The following ANKRD30B variants were observed in gnomAD, a reference collection of about 807,000 sequenced individuals.
The protein encoded by ANKRD30B is ankyrin repeat domain-containing protein 30B.
In ANKRD30B, 144 loss-of-function variants were observed where a neutral mutation model predicts 202.2. That is an observed-to-expected ratio of 0.71 (90% CI 0.62 to 0.82). ANKRD30B has a LOEUF of 0.82. Ranked by LOEUF, ANKRD30B falls within the 40% of genes least tolerant of loss-of-function variation. The pLI, the probability that ANKRD30B is intolerant of heterozygous loss-of-function variation, is 0.00. For missense variants in ANKRD30B, 1,487 were observed against 1,669.1 expected (o/e 0.89, Z 1.90); for synonymous variants, 508 against 561.3 (o/e 0.91, Z 1.34).
At chr18:14,888,243 A>G in the ANKRD30B span, among the ~76,000 whole-genome samples, 1 of 152,010 alleles carries the variant, frequency 6.6e-6, no homozygotes. Context: ...TCATTTTCCA[A>G]AGTTAGTGTG....
intron 15 of ANKRD30B, among the ~76,000 whole-genome samples, chr18:14,788,115 C>T (rs148388536): frequency 7.4e-4 from 112 of 152,264 alleles, no homozygotes; most frequent in Middle Eastern, 3.4e-3. Context: ...TCATTTTTAA[C>T]GCTAAACAGT....
At chr18:14,927,546 C>A in the ANKRD30B span, among the ~76,000 whole-genome samples, 1 of 152,224 alleles carries the variant, frequency 6.6e-6, no homozygotes, top group African/African-American at 2.4e-5. Context: ...GGCCAAAGCA[C>A]TTTGTGATTC....
intron 22 of ANKRD30B, among the ~76,000 whole-genome samples, chr18:14,799,611 G>T (rs1267884678): frequency 1.3e-5 from 2 of 152,102 alleles, no homozygotes; most frequent in East Asian, 3.8e-4. Context: ...AATATTTTCA[G>T]TGTTTCAAAT....
At chr18:14,792,131 G>C (rs555514517) in intron 16 of ANKRD30B, among the ~76,000 whole-genome samples, 1 of 152,252 alleles carries the variant, frequency 6.6e-6, no homozygotes, top group South Asian at 2.1e-4. Context: ...TTAGAAAACC[G>C]TCTGAAAACC....
At chr18:14,860,378 C>G in the ANKRD30B span, among the ~76,000 whole-genome samples, 14 of 119,182 alleles carry the variant, frequency 1.2e-4, no homozygotes, top group Middle Eastern at 4.6e-3. Context: ...TCCTCACTTC[C>G]CAGAGGGGGT....
intron 15 of ANKRD30B, 67 bp from the exon 16 acceptor site, chr18:14,791,334 A>T (rs1012233704): frequency 1.5e-6 from 2 of 1,360,886 alleles, no homozygotes; most frequent in African/African-American, 1.5e-5. Context: ...TCTAGTTAGA[A>T]AATTTTGATA....
At chr18:14,893,289 C>A in the ANKRD30B span, among the ~76,000 whole-genome samples, 2 of 152,250 alleles carry the variant, frequency 1.3e-5, no homozygotes, top group Non-Finnish European at 2.9e-5. Context: ...AGTGATGTTC[C>A]TTTCAATAGG....
chr18:14,832,618 C>G (rs71350507), intron 34 of ANKRD30B, among the ~76,000 whole-genome samples: 1 of 151,966 alleles, frequency 6.6e-6, no homozygotes, highest in Admixed American at 6.6e-5. Context: ...GCATTTTAAG[C>G]GGTTTTCAAT....
chr18:14,851,471 A>G, intron 41 of ANKRD30B, 38 bp from the exon 42 acceptor site: 1 of 1,466,976 alleles, frequency 6.8e-7, no homozygotes, highest in Admixed American at 2.8e-5. Context: ...ATGCCATTTT[A>G]TTGAGTGCTA....
At chr18:14,782,292 A>G (rs567834415) in intron 11 of ANKRD30B, among the ~76,000 whole-genome samples, 1 of 152,266 alleles carries the variant, frequency 6.6e-6, no homozygotes, top group African/African-American at 2.4e-5. Flanking sequence ...AATATTATTT[A>G]TTTTTCATGC....
chr18:14,748,277 G>A lies in ANKRD30B; in HGVS notation c.-143G>A. ...GATACAGAAATTTCTGCTGGTGTTG[G>A]GGCGGGTGCGGGAACTGAAGACGGG... On this transcript the variant is annotated 5_prime_UTR_variant, in exon 1 of 44. Transcript: ENST00000690538. The A allele has an allele frequency of 1.6e-6, 1 of 609,668 alleles. No individual in the cohort carries two copies. Among genetic ancestry groups the A allele is most frequent in the Non-Finnish European group, 2.8e-6 (1 of 362,248 alleles). 37.8% of individuals were successfully genotyped at this position (609,668 alleles called of 1,614,324 possible).
the ANKRD30B span, among the ~76,000 whole-genome samples, chr18:14,898,442 T>G: frequency 6.6e-6 from 1 of 152,098 alleles, no homozygotes; most frequent in African/African-American, 2.4e-5. Flanking sequence ...ACAGCTAATC[T>G]GACAGGAGGT....
At chr18:14,934,908 C>CCACACACACACACACACA in the ANKRD30B span, among the ~76,000 whole-genome samples, 5 of 134,602 alleles carry the variant, frequency 3.7e-5, no homozygotes, top group African/African-American at 8.9e-5. Context: ...CCTCCCTCTA[C>CCACACACACACACACACA]CACACACACA....
rs45604236 is a variant in ANKRD30B, at chr18:14,808,810, C to A, written c.2386+66C>A. On this transcript the variant is annotated intron_variant, in intron 26 of 43. Transcript: ENST00000690538. The stretch of plus-strand genomic sequence containing the variant: ...ATTAAACTATTTGAAATGCCAAGAG[C>A]CTTTTATTCCCAATGTTGTTTTCTT... 4,119 of 1,344,684 alleles carry A rather than the reference C, an allele frequency of 3.1e-3. 110 individuals are homozygous for A. Among genetic ancestry groups the A allele is most frequent in the Non-Finnish European group, 3.3e-3 (3,317 of 999,600 alleles). The allele number at this position is 1,344,684 out of a possible 1,614,324, so 83.3% of individuals were successfully genotyped here. A position where few individuals can be genotyped will look rare whatever the true frequency, so the allele number is the denominator to read the frequency against.
chr18:14,919,395 C>G, the ANKRD30B span, among the ~76,000 whole-genome samples: 1 of 152,172 alleles, frequency 6.6e-6, no homozygotes, highest in Non-Finnish European at 1.5e-5. Context: ...TACCTTGGGG[C>G]CCTGCAGCTC....
At chr18:14,860,631 T>G in the ANKRD30B span, among the ~76,000 whole-genome samples, 3 of 151,144 alleles carry the variant, frequency 2.0e-5, no homozygotes, top group Admixed American at 6.6e-5. Flanking sequence ...AACTGACTTA[T>G]CAGCAGAAAC....
At chr18:14,830,188 G>A in intron 33 of ANKRD30B, 1 of 154,512 alleles carries the variant, frequency 6.5e-6, no homozygotes, top group East Asian at 1.9e-4. Flanking sequence ...ATCTGGAAGT[G>A]GGAGACACTT....
chr18:14,798,226 G>A (rs962362011), intron 20 of ANKRD30B, among the ~76,000 whole-genome samples: 37 of 130,420 alleles, frequency 2.8e-4, no homozygotes, highest in Admixed American at 1.4e-3. Flanking sequence ...GGATATACCC[G>A]CATTTGTTAT....
the ANKRD30B span, among the ~76,000 whole-genome samples, chr18:14,938,601 A>C: frequency 1.3e-5 from 2 of 152,242 alleles, no homozygotes; most frequent in African/African-American, 4.8e-5. Context: ...CCTCAGTCAC[A>C]GGACATGGCA....
Sources: gnomAD v4.1 joint callset for allele counts (sites outside exome capture counted in the v4.1 genomes callset) on GRCh38, gnomAD v4.1.1 for gene constraint, MANE v1.5 for transcripts, NCBI Gene and HGNC (gene_info 2026-07-23, HGNC 2026-07-21) for gene names.